CCDC47: variants seen among roughly 807,000 people sequenced by gnomAD.
CCDC47 encodes PAT complex subunit CCDC47.
A neutral mutation model predicts 60.5 loss-of-function variants in CCDC47; 41 were observed. The ratio of observed to expected loss-of-function variants is 0.68; its 90% confidence interval spans 0.53 to 0.88. CCDC47 has a LOEUF of 0.88. CCDC47 is among the 40% of genes least tolerant of loss of function. The pLI is 0.00. For missense variants in CCDC47, 513 were observed against 580.9 expected (o/e 0.88, Z 1.20); for synonymous variants, 195 against 190.7 (o/e 1.02, Z -0.18).
chr17:63,771,142 A>G (rs114031791), intron 1 of CCDC47, among the ~76,000 whole-genome samples: 2 of 152,216 alleles, frequency 1.3e-5, no homozygotes, highest in South Asian at 4.1e-4. Context: ...GGATAGGCCA[A>G]CGGTACAGTA....
In CCDC47 at chr17:63,766,188, A is replaced by C. The variant is rs2039297186; in HGVS notation, c.-13T>G. On this transcript the variant is annotated 5_prime_UTR_variant, in exon 2 of 13. Coordinates refer to ENST00000225726, the MANE Select transcript of CCDC47 (RefSeq NM_020198.3). ...GGAAGGCTTTCATTGCACCTTGAGA[A>C]AAAAAGCTTAAAAAAAAAGAGAACC... 1 of 1,588,406 alleles carries C rather than the reference A, an allele frequency of 6.3e-7. No individual in the cohort carries two copies.
intron 12 of CCDC47, chr17:63,747,408 T>G (rs2039128821): frequency 1.0e-6 from 1 of 984,608 alleles, no homozygotes; most frequent in African/African-American, 1.7e-5. Flanking sequence ...AAATTTCTTA[T>G]TAGCACAGAC....
intron 4 of CCDC47, among the ~76,000 whole-genome samples, chr17:63,762,994 C>A (rs571040078): frequency 1.3e-5 from 2 of 152,236 alleles, no homozygotes; most frequent in African/African-American, 4.8e-5. Context: ...TGATTCTGTA[C>A]CACTGCAGCC....
Position 63,766,015 on chromosome 17 carries a change from G to A in CCDC47, c.161C>T (p.Pro54Leu), listed in dbSNP as rs747895268. Residue 54 changes from proline to leucine, a missense_variant, in exon 2 of 13, where the codon CCT becomes CTT. Physicochemically the swap from Pro to Leu is moderately conservative, Grantham distance 98. Transcript: ENST00000225726. ...ATCTTCAGTGATTATGACCCGTTGA[G>A]GAGATTCAGTAACAGAGTCTTCCAT... Reference protein sequence around the residue: ...DVMEDSVTESPQRVIITEDDE... With the variant: ...DVMEDSVTESLQRVIITEDDE... 9 of 1,613,910 alleles carry A rather than the reference G, an allele frequency of 5.6e-6. No individual in the cohort carries two copies. The highest frequency in any genetic ancestry group is 2.5e-6 in the Non-Finnish European group (3 of 1,179,992).
chr17:63,754,709 C>T (rs908923166), intron 8 of CCDC47, among the ~76,000 whole-genome samples, 191 bp from the exon 9 acceptor site: 2 of 151,602 alleles, frequency 1.3e-5, no homozygotes, highest in African/African-American at 2.4e-5. Flanking sequence ...AGTGAAACAC[C>T]GTCTCTACTA....
chr17:63,750,054 C>G (rs2039151260), intron 12 of CCDC47, among the ~76,000 whole-genome samples: 1 of 152,130 alleles, frequency 6.6e-6, no homozygotes, highest in African/African-American at 2.4e-5. Context: ...TTCACCAGAT[C>G]TTTTTACAAG....
intron 4 of CCDC47, among the ~76,000 whole-genome samples, chr17:63,763,048 G>A (rs977742730): frequency 3.9e-5 from 6 of 152,122 alleles, no homozygotes; most frequent in African/African-American, 1.4e-4. Flanking sequence ...CTCCCAAGTA[G>A]TTGGGACCAC....
Position 63,764,194 on chromosome 17 carries a change from A to G in CCDC47, c.373-4T>C. 2 of 1,583,202 alleles carry G rather than the reference A, an allele frequency of 1.3e-6. No homozygotes were observed. Among genetic ancestry groups the G allele is most frequent in the Non-Finnish European group, 1.7e-6 (2 of 1,169,532 alleles). On this transcript the variant is annotated splice_region_variant and splice_polypyrimidine_tract_variant and intron_variant, in intron 3 of 12. Transcript: ENST00000225726. ...TGTTCTGGAGGTGTGCAGGAACCTA[A>G]AAAAGCAAAATCATTCCATTAAATG...
intron 8 of CCDC47, among the ~76,000 whole-genome samples, chr17:63,755,619 A>G (rs1247704742): frequency 6.6e-6 from 1 of 152,168 alleles, no homozygotes; most frequent in Non-Finnish European, 1.5e-5. Flanking sequence ...CTTTATAAAC[A>G]TGTCACCTTG....
At chr17:63,761,964 T>C in intron 4 of CCDC47, 1 of 739,482 alleles carries the variant, frequency 1.4e-6, no homozygotes, top group Middle Eastern at 7.1e-4. Context: ...AAAAAATCAG[T>C]TGAAATATCT....
intron 1 of CCDC47, among the ~76,000 whole-genome samples, chr17:63,769,250 A>G (rs1000485798): frequency 8.7e-5 from 11 of 126,880 alleles, no homozygotes; most frequent in African/African-American, 4.2e-4. Flanking sequence ...GCTGTCTAAA[A>G]GAAAAAAAAA....
At position 63,752,744 on chromosome 17, in the gene CCDC47, T is replaced by G; in HGVS notation, c.1090A>C (p.Asn364His). The change falls in exon 10 of 13, where the codon AAT becomes CAT. Residue 364 changes from asparagine (N) to histidine (H), a missense_variant. Asn to His is a moderately conservative substitution (Grantham distance 68, BLOSUM62 1). Transcript: ENST00000225726. ...DTKRTLLFTF[N>H]VPGSGNTYPK... is the part of the protein sequence containing the mutation. ...AGAAAGGACCCAGAATACTTACCAT[T>G]AAATGTAAACAACAGTGTCCTCTTA... is the stretch of plus-strand genomic sequence containing the variant. 6.2e-7 allele frequency: 1 copy of G among 1,611,502 alleles called. No homozygotes were observed. The highest frequency in any genetic ancestry group is 8.5e-7 in the Non-Finnish European group (1 of 1,178,998).
At position 63,767,701 on chromosome 17, in the gene CCDC47, A is replaced by C. The variant is rs1271429125; in HGVS notation, c.-19-1507T>G. 2.6e-5 allele frequency among the ~76,000 whole-genome samples: 4 copies of C among 152,082 alleles called. No individual in the cohort carries two copies. The East Asian group carries it at 7.7e-4, about 29-fold the overall frequency. On this transcript the variant is annotated intron_variant, in intron 1 of 12. Coordinates refer to ENST00000225726, the MANE Select transcript of CCDC47 (RefSeq NM_020198.3). The stretch of plus-strand genomic sequence containing the variant: ...TGGGGTACATACTGGTCTCTGCTGC[A>C]TATTGTTCTTTTTTTAAAAAAAACT...
At chr17:63,772,250 G>GTTTTTTTT (rs34509265) in intron 1 of CCDC47, among the ~76,000 whole-genome samples, 3 of 90,536 alleles carry the variant, frequency 3.3e-5, no homozygotes, top group African/African-American at 9.5e-5. Context: ...TGTACCAAGG[G>GTTTTTTTT]TTTTTTTTTT....
chr17:63,750,252 G>A (rs1386892651), intron 12 of CCDC47, among the ~76,000 whole-genome samples: 1 of 152,114 alleles, frequency 6.6e-6, no homozygotes, highest in Non-Finnish European at 1.5e-5. Context: ...ACCTATTAAT[G>A]ATTCCTCTGT....
intron 1 of CCDC47, chr17:63,772,651 C>A (rs1304627099): frequency 6.6e-6 from 1 of 152,140 alleles, no homozygotes; most frequent in Non-Finnish European, 1.5e-5. Flanking sequence ...GCCAAAAGAT[C>A]CGATCATTTC....
Position 63,763,998 on chromosome 17 carries a change from G to T in CCDC47, c.547+18C>A. On this transcript the variant is annotated intron_variant, in intron 4 of 12. Coordinates refer to ENST00000225726, the MANE Select transcript of CCDC47 (RefSeq NM_020198.3). ...TTGTTTTCAAGCAAGAAGCTGGGCT[G>T]ACATTGGCCTCACTTACCCACTAAA... The T allele has an allele frequency of 1.3e-6, 2 of 1,563,860 alleles. No individual in the cohort carries two copies. The highest frequency in any genetic ancestry group is 2.4e-5 in the South Asian group (2 of 82,088).
chr17:63,759,560 T>C (rs867418774), intron 6 of CCDC47, among the ~76,000 whole-genome samples: 1 of 61,668 alleles, frequency 1.6e-5, no homozygotes, highest in Non-Finnish European at 2.9e-5. Flanking sequence ...TATATATATA[T>C]ATATATATAT....
In CCDC47 at chr17:63,771,037, G is replaced by GAAAGAAAGAAAGA. The variant is rs1568253168; in HGVS notation, c.-20+2374_-20+2375insTCTTTCTTTCTTT. ...GAAAGGAAGGAAGGAAGGAAGGAAG[G>GAAAGAAAGAAAGA]AAGGAAGGAAGAAAGAAAGAAAGAA... On this transcript the variant is annotated intron_variant, in intron 1 of 12. Coordinates refer to ENST00000225726, the MANE Select transcript of CCDC47 (RefSeq NM_020198.3). 4.1e-3 allele frequency among the ~76,000 whole-genome samples: 224 copies of GAAAGAAAGAAAGA among 54,664 alleles called. 2 individuals carry two copies. Among genetic ancestry groups the GAAAGAAAGAAAGA allele is most frequent in the African/African-American group, 0.012 (204 of 16,658 alleles). 35.9% of individuals were successfully genotyped at this position (54,664 alleles called of 152,430 possible). A position where few individuals can be genotyped will look rare whatever the true frequency, so the allele number is the denominator to read the frequency against.
Sources: allele counts gnomAD v4.1 joint callset (sites outside exome capture counted in the v4.1 genomes callset), GRCh38; gene constraint gnomAD v4.1.1; transcripts MANE v1.5; gene names NCBI Gene and HGNC (gene_info 2026-07-23, HGNC 2026-07-21).